MIPOL1: variants seen among roughly 807,000 people sequenced by gnomAD.
The protein encoded by MIPOL1 is mirror-image polydactyly 1.
In MIPOL1, 57 loss-of-function variants were observed where a neutral mutation model predicts 60.9. The ratio of observed to expected loss-of-function variants is 0.94; its 90% CI spans 0.76 to 1.17. The LOEUF (loss-of-function observed/expected upper bound fraction) is 1.17. Ranked by LOEUF, MIPOL1 falls within the 50% of genes most tolerant of loss-of-function variation. The pLI, the probability that MIPOL1 is intolerant of heterozygous loss-of-function variation, is 0.00. For missense variants in MIPOL1, 551 were observed against 511.6 expected (o/e 1.08, Z -0.74); for synonymous variants, 179 against 168.8 (o/e 1.06, Z -0.47).
intron 1 of MIPOL1, among the ~76,000 whole-genome samples, chr14:37,240,109 T>C (rs1972114812): frequency 6.6e-6 from 1 of 152,178 alleles, no homozygotes; most frequent in African/African-American, 2.4e-5. Context: ...AAAATTGTCA[T>C]TACATGTTTA....
intron 1 of MIPOL1, among the ~76,000 whole-genome samples, chr14:37,204,379 T>C (rs1965759251): frequency 6.6e-6 from 1 of 152,216 alleles, no homozygotes; most frequent in Non-Finnish European, 1.5e-5. Context: ...TAAGTAGTGA[T>C]ATAGTTTGCC....
At chr14:37,236,588 C>G (rs1971522719) in intron 1 of MIPOL1, among the ~76,000 whole-genome samples, 1 of 152,038 alleles carries the variant, frequency 6.6e-6, no homozygotes, top group Admixed American at 6.6e-5. Flanking sequence ...AGGCATGCCC[C>G]ACCATGCTTG....
intron 11 of MIPOL1, among the ~76,000 whole-genome samples, chr14:37,480,285 C>A (rs1165291452): frequency 6.6e-6 from 1 of 152,062 alleles, no homozygotes; most frequent in Non-Finnish European, 1.5e-5. Context: ...TTCTTGATAA[C>A]ATAGATGTAA....
intron 6 of MIPOL1, among the ~76,000 whole-genome samples, chr14:37,271,723 A>T (rs1415751405): frequency 6.6e-6 from 1 of 151,766 alleles, no homozygotes; most frequent in Non-Finnish European, 1.5e-5. Flanking sequence ...TTTTATAATC[A>T]TGTATAAATA....
At chr14:37,416,171 T>TA (rs2153543687) in intron 10 of MIPOL1, among the ~76,000 whole-genome samples, 1 of 152,314 alleles carries the variant, frequency 6.6e-6, no homozygotes, top group East Asian at 1.9e-4. Flanking sequence ...TATTGGTTGT[T>TA]AATGATAAAG....
intron 10 of MIPOL1, among the ~76,000 whole-genome samples, chr14:37,376,689 T>C (rs2092785283): frequency 6.6e-6 from 1 of 152,128 alleles, no homozygotes; most frequent in East Asian, 1.9e-4. Context: ...CTACTGAAAA[T>C]CATCTTTGTT....
intron 6 of MIPOL1, chr14:37,277,263 A>G (rs1466265438): frequency 1.3e-5 from 2 of 151,322 alleles, no homozygotes; most frequent in Admixed American, 6.6e-5. Flanking sequence ...TAAAGAGGAA[A>G]TGAGATTAGA....
chr14:37,545,019 A>G (rs1261392273), intron 12 of MIPOL1, among the ~76,000 whole-genome samples: 2 of 152,330 alleles, frequency 1.3e-5, no homozygotes, highest in African/African-American at 2.4e-5. Flanking sequence ...TGTAGTAACA[A>G]TAATAATAAC....
At chr14:37,358,760 A>G (rs982821243) in intron 9 of MIPOL1, among the ~76,000 whole-genome samples, 3 of 152,126 alleles carry the variant, frequency 2.0e-5, no homozygotes, top group African/African-American at 7.2e-5. Context: ...TAGATTACAA[A>G]AATTTTCTCC....
At chr14:37,500,165 C>T in intron 12 of MIPOL1, 27 bp downstream of exon 12, 3 of 1,414,354 alleles carry the variant, frequency 2.1e-6, no homozygotes, top group Non-Finnish European at 2.9e-6. Flanking sequence ...TGTAATAATA[C>T]TTCAAACACA....
intron 11 of MIPOL1, among the ~76,000 whole-genome samples, chr14:37,446,106 C>G (rs1292204339): frequency 6.6e-6 from 1 of 152,146 alleles, no homozygotes; most frequent in Non-Finnish European, 1.5e-5. Context: ...TTCTGCACAG[C>G]AAAAGACACT....
chr14:37,287,498 C>G (rs891082295), intron 7 of MIPOL1, among the ~76,000 whole-genome samples: 1 of 152,118 alleles, frequency 6.6e-6, no homozygotes, highest in Admixed American at 6.5e-5. Flanking sequence ...ATGTGATCCT[C>G]TCACCTTGGC....
rs1342022724 is a variant in MIPOL1 at position 37,550,276 on chromosome 14, G to A, written c.*3305G>A. ...TTTTAATATTGAATATAGTTTCGTAGAAAAACATTTTATATGTACTATTCT... is the reference window on the plus strand; with the variant it reads ...TTTTAATATTGAATATAGTTTCGTAAAAAAACATTTTATATGTACTATTCT... On this transcript the variant is annotated 3_prime_UTR_variant, in exon 13 of 13. Transcript: ENST00000684589. 1 of 150,868 alleles carries A rather than the reference G, an allele frequency of 6.6e-6. No homozygotes were observed. The highest frequency in any genetic ancestry group is 2.4e-5 in the African/African-American group (1 of 41,240). The allele number at this position is 150,868 out of a possible 1,614,324, so 9.3% of individuals were successfully genotyped here.
intron 10 of MIPOL1, among the ~76,000 whole-genome samples, chr14:37,387,014 G>A (rs2093089537): frequency 1.3e-5 from 2 of 151,632 alleles, no homozygotes; most frequent in South Asian, 2.1e-4. Context: ...AATTCAACAA[G>A]TGTCATTGCA....
At chr14:37,222,860 A>G (rs1969046074) in intron 1 of MIPOL1, among the ~76,000 whole-genome samples, 1 of 152,136 alleles carries the variant, frequency 6.6e-6, no homozygotes, top group African/African-American at 2.4e-5. Context: ...TTCCAAAACT[A>G]CGTTCAGATA....
chr14:37,285,678 G>A (rs1244202094), intron 7 of MIPOL1, among the ~76,000 whole-genome samples: 4 of 149,682 alleles, frequency 2.7e-5, no homozygotes, highest in Non-Finnish European at 4.4e-5. Flanking sequence ...TGCAACCTCC[G>A]CCTCCCGGGT....
At chr14:37,393,561 C>A (rs75942016) in intron 10 of MIPOL1, among the ~76,000 whole-genome samples, 6 of 151,780 alleles carry the variant, frequency 4.0e-5, no homozygotes, top group Non-Finnish European at 5.9e-5. Flanking sequence ...TAGTGATCAT[C>A]AAGCAGGTTT....
chr14:37,527,082 C>T (rs908158973), intron 12 of MIPOL1, among the ~76,000 whole-genome samples: 6 of 151,718 alleles, frequency 4.0e-5, no homozygotes, highest in East Asian at 3.9e-4. Context: ...TATTCCTGAC[C>T]GGTTCCCATT....
intron 1 of MIPOL1, among the ~76,000 whole-genome samples, chr14:37,217,432 G>A (rs533717397): frequency 8.9e-4 from 136 of 152,130 alleles, no homozygotes; most frequent in Middle Eastern, 3.4e-3. Context: ...ACCAGACAAA[G>A]ACACATCAAA....
Sources: allele counts gnomAD v4.1 joint callset (sites outside exome capture counted in the v4.1 genomes callset), GRCh38; gene constraint gnomAD v4.1.1; transcripts MANE v1.5; gene names NCBI Gene and HGNC (gene_info 2026-07-23, HGNC 2026-07-21).